UBE2E1: variants seen among roughly 807,000 people sequenced by gnomAD.
The protein encoded by UBE2E1 is ubiquitin conjugating enzyme E2 E1.
Under a neutral mutation model 21.4 loss-of-function variants are expected in UBE2E1, and 6 were observed. That is an observed-to-expected ratio of 0.28 (90% CI 0.15 to 0.55). The LOEUF (loss-of-function observed/expected upper bound fraction) is 0.55. Among genes scored for constraint, UBE2E1 ranks in the 20% least tolerant of loss-of-function variants. The pLI, the probability that UBE2E1 is intolerant of heterozygous loss-of-function variation, is 0.93. For synonymous variants in UBE2E1, 87 were observed against 82.7 expected (o/e 1.05, Z -0.28); for missense variants, 142 against 236.5 (o/e 0.60, Z 2.62).
intron 3 of UBE2E1, among the ~76,000 whole-genome samples, chr3:23,855,508 G>A (rs1046932514): frequency 6.6e-5 from 10 of 152,300 alleles, no homozygotes; most frequent in Admixed American, 2.0e-4. Context: ...GTTAGCACTT[G>A]TTCCTTAAAA....
rs1334160596 is a variant in UBE2E1 at position 23,816,398 on chromosome 3, G to A, written c.203+4888G>A. On this transcript the variant is annotated intron_variant, in intron 3 of 5. Coordinates refer to ENST00000306627, the MANE Select transcript of UBE2E1 (RefSeq NM_003341.5). This position sits in a 1 kb window ranked among gnomAD's most constrained non-coding sequence, Gnocchi z 4.8. ...AAGTTGTGATGCATGGATACAACATGGTTGAACCTTAATGTTATACTAAGT... is the reference window on the plus strand; with the variant it reads ...AAGTTGTGATGCATGGATACAACATAGTTGAACCTTAATGTTATACTAAGT... 1.3e-5 allele frequency among the ~76,000 whole-genome samples: 2 copies of A among 152,164 alleles called. No individual in the cohort carries two copies. The highest frequency in any genetic ancestry group is 1.3e-4 in the Admixed American group (2 of 15,272).
chr3:23,814,110 A>G (rs1359343372), intron 3 of UBE2E1, among the ~76,000 whole-genome samples: 1 of 152,118 alleles, frequency 6.6e-6, no homozygotes, highest in Admixed American at 6.5e-5. Flanking sequence ...TTAGCCGGGC[A>G]TGGTGATGCA....
intron 3 of UBE2E1, among the ~76,000 whole-genome samples, chr3:23,826,168 C>T (rs1699755770): frequency 6.6e-6 from 1 of 152,164 alleles, no homozygotes. Flanking sequence ...CTTTATGTAA[C>T]AGTTCTATTA....
chr3:23,885,612 G>A (rs1701163869), intron 3 of UBE2E1, among the ~76,000 whole-genome samples: 1 of 152,192 alleles, frequency 6.6e-6, no homozygotes, highest in Non-Finnish European at 1.5e-5. Flanking sequence ...TATAATCCCA[G>A]CACTCTGGGA....
intron 5 of UBE2E1, chr3:23,889,806 T>C (rs1701316439): frequency 1.0e-6 from 1 of 975,384 alleles, no homozygotes; most frequent in Non-Finnish European, 1.2e-6. Context: ...GTCAGGATTG[T>C]TTGAACCCAG....
Position 23,851,734 on chromosome 3 carries a change from C to A in UBE2E1, c.204-35833C>A, listed in dbSNP as rs559110345. On this transcript the variant is annotated intron_variant, in intron 3 of 5. Transcript: ENST00000306627. ...GGAAGATCAGTTGAGCCCAGGAGTT[C>A]GAGGCTGCAGTGATTGCACCACTGC... Among the ~76,000 whole-genome samples the A allele has an allele frequency of 2.6e-4, 39 of 152,118 alleles. No homozygotes were observed. The South Asian group carries it at 7.9e-3, about 31-fold the overall frequency.
chr3:23,871,133 C>G, intron 3 of UBE2E1, among the ~76,000 whole-genome samples: 1 of 152,208 alleles, frequency 6.6e-6, no homozygotes, highest in South Asian at 2.1e-4. Flanking sequence ...CGCCTTTCCC[C>G]TCTTTCTATT....
chr3:23,830,424 T>TG (rs1699843904), intron 3 of UBE2E1, among the ~76,000 whole-genome samples: 2 of 131,572 alleles, frequency 1.5e-5, no homozygotes, highest in South Asian at 2.4e-4. Context: ...CATTTTTTTG[T>TG]TTTTGTTTTT....
At position 23,866,967 on chromosome 3, in the gene UBE2E1, T is replaced by C. The variant is rs909484362; in HGVS notation, c.204-20600T>C. Among the ~76,000 whole-genome samples the C allele has an allele frequency of 1.3e-5, 2 of 152,152 alleles. 1 individual carries two copies. The highest frequency in any genetic ancestry group is 1.3e-4 in the Admixed American group (2 of 15,272). On this transcript the variant is annotated intron_variant, in intron 3 of 5. Coordinates refer to ENST00000306627, the MANE Select transcript of UBE2E1 (RefSeq NM_003341.5). ...AAGCTTCATGGGTGTAGTAAAAATA[T>C]ATCACCTTAAGAAAACCTGGATTGC...
At chr3:23,855,634 C>T (rs1700418054) in intron 3 of UBE2E1, among the ~76,000 whole-genome samples, 1 of 152,012 alleles carries the variant, frequency 6.6e-6, no homozygotes, top group African/African-American at 2.4e-5. Flanking sequence ...TCGAGACCAT[C>T]CTGGCTAACA....
intron 3 of UBE2E1, among the ~76,000 whole-genome samples, chr3:23,834,619 T>C (rs552389499): frequency 1.8e-4 from 27 of 152,118 alleles, no homozygotes; most frequent in Non-Finnish European, 3.7e-4. Flanking sequence ...ATCTTAGTGC[T>C]TTGGGGAGCT....
chr3:23,871,647 C>T (rs1700793768), intron 3 of UBE2E1, among the ~76,000 whole-genome samples: 1 of 151,684 alleles, frequency 6.6e-6, no homozygotes, highest in South Asian at 2.1e-4. Flanking sequence ...GGTCTCCTCG[C>T]TTCTCAGATG....
chr3:23,847,043 C>G (rs1398752686), intron 3 of UBE2E1, among the ~76,000 whole-genome samples: 1 of 151,962 alleles, frequency 6.6e-6, no homozygotes. Context: ...ATTCATTGTA[C>G]AAAAGAATAT....
chr3:23,836,998 G>A lies in UBE2E1; in HGVS notation c.203+25488G>A, dbSNP rs150577429. On this transcript the variant is annotated intron_variant, in intron 3 of 5. Transcript: ENST00000306627. This position sits in a 1 kb window ranked among gnomAD's most constrained non-coding sequence, Gnocchi z 4.1. Reference sequence around the variant, plus strand: ...TTTGGCATATTGAGTAACATGGCAGGTTCTGGAGCCAGACTGAGTTAAAAT... The same window carrying A: ...TTTGGCATATTGAGTAACATGGCAGATTCTGGAGCCAGACTGAGTTAAAAT... Among the ~76,000 whole-genome samples the A allele has an allele frequency of 8.5e-5, 13 of 152,288 alleles. No homozygotes were observed. The highest frequency in any genetic ancestry group is 3.1e-4 in the African/African-American group (13 of 41,566).
chr3:23,840,622 T>A (rs543394376), intron 3 of UBE2E1, among the ~76,000 whole-genome samples: 11 of 152,210 alleles, frequency 7.2e-5, no homozygotes, highest in Non-Finnish European at 1.5e-4. Flanking sequence ...TTCTGACTAA[T>A]GGCAATGCAA....
intron 3 of UBE2E1, among the ~76,000 whole-genome samples, chr3:23,851,138 TA>T (rs1188113631): frequency 6.6e-6 from 1 of 152,166 alleles, no homozygotes; most frequent in Non-Finnish European, 1.5e-5. Flanking sequence ...CACCATTTGA[TA>T]AAAAAGACTA....
chr3:23,826,901 G>A (rs1157866565), intron 3 of UBE2E1, among the ~76,000 whole-genome samples: 1 of 152,128 alleles, frequency 6.6e-6, no homozygotes, highest in African/African-American at 2.4e-5. Flanking sequence ...AAAATGAAAT[G>A]TAATTCTAGC....
Position 23,808,092 on chromosome 3 carries a change from T to G in UBE2E1, c.152+671T>G, listed in dbSNP as rs1215913691. Among the ~76,000 whole-genome samples, 1 of 152,240 alleles carries G rather than the reference T, an allele frequency of 6.6e-6. No individual in the cohort carries two copies. Among genetic ancestry groups the G allele is most frequent in the African/African-American group, 2.4e-5 (1 of 41,470 alleles). On this transcript the variant is annotated intron_variant, in intron 2 of 5. Transcript: ENST00000306627. The surrounding 1 kb of genome is among the most constrained non-coding windows in gnomAD (Gnocchi z 4.9). ...AGACTTGTCTTTTTTTCATGCTATT[T>G]GCTGTCCTCATGCTGTGAAAATGTT...
intron 3 of UBE2E1, among the ~76,000 whole-genome samples, chr3:23,869,808 A>G (rs1490385305): frequency 6.6e-6 from 1 of 151,518 alleles, no homozygotes; most frequent in Non-Finnish European, 1.5e-5. Context: ...AAACTGGGAA[A>G]TTGGGCAGAA....
Sources: gnomAD v4.1 joint callset for allele counts (sites outside exome capture counted in the v4.1 genomes callset) on GRCh38, gnomAD v4.1.1 for gene constraint, Gnocchi (gnomAD v3.1) non-coding constraint, MANE v1.5 for transcripts, NCBI Gene and HGNC (gene_info 2026-07-23, HGNC 2026-07-21) for gene names.